Variants in METTL22 observed in about 807,000 individuals in gnomAD.
METTL22 encodes methyltransferase 22, Kin17 lysine.
A neutral mutation model predicts 48.4 loss-of-function variants in METTL22; 51 were observed. The ratio of observed to expected loss-of-function variants is 1.05; its 90% CI spans 0.84 to 1.33. The LOEUF (loss-of-function observed/expected upper bound fraction) is 1.33, where lower values mean the gene tolerates loss of function less well. METTL22 is among the 40% of genes most tolerant of loss of function. METTL22 has a pLI of 0.00. For missense variants in METTL22, 678 were observed against 526.9 expected, an observed-to-expected ratio of 1.29 and a Z score of -2.81; for synonymous variants, 255 against 214.1, an observed-to-expected ratio of 1.19 and a Z score of -1.67.
the METTL22 span, among the ~76,000 whole-genome samples, chr16:8,663,225 A>AAAAAAAAAAAGT: frequency 9.7e-5 from 12 of 123,436 alleles, no homozygotes; most frequent in African/African-American, 9.3e-5. Flanking sequence ...AAAAAAAAAA[A>AAAAAAAAAAAGT]GGTAGCCAAG....
downstream of METTL22, among the ~76,000 whole-genome samples, chr16:8,654,431 T>A (rs186444762): frequency 1.3e-3 from 191 of 152,376 alleles, no homozygotes; most frequent in African/African-American, 4.4e-3. Context: ...GGAATGGAAT[T>A]GATGAGACTT....
intron 7 of METTL22, chr16:8,641,891 G>A (rs965738246): frequency 3.2e-5 from 19 of 587,426 alleles, no homozygotes; most frequent in Non-Finnish European, 5.2e-5. Flanking sequence ...AAATCCGCCC[G>A]CTGCTCACTG....
chr16:8,627,098 C>G (rs1318631503), intron 2 of METTL22, among the ~76,000 whole-genome samples: 4 of 152,150 alleles, frequency 2.6e-5, no homozygotes, highest in South Asian at 2.1e-4. Context: ...CTGGCTGCCT[C>G]TGTCTTCTCC....
At chr16:8,661,552 G>A in the METTL22 span, among the ~76,000 whole-genome samples, 2,525 of 139,146 alleles carry the variant, frequency 0.018, 328 homozygotes, top group South Asian at 0.14. Context: ...AGGCTGAGGA[G>A]GAGAATGGCG....
chr16:8,661,152 A>G, the METTL22 span, among the ~76,000 whole-genome samples: 2 of 151,868 alleles, frequency 1.3e-5, no homozygotes, highest in African/African-American at 2.4e-5. Context: ...CCCCAGCCTC[A>G]TGAATCCAGG....
At chr16:8,656,053 C>A in the METTL22 span, among the ~76,000 whole-genome samples, 1 of 152,166 alleles carries the variant, frequency 6.6e-6, no homozygotes, top group African/African-American at 2.4e-5. Context: ...AGTTAGGATA[C>A]CAGTGGTATG....
intron 6 of METTL22, among the ~76,000 whole-genome samples, chr16:8,639,889 C>G (rs1006677162): frequency 1.3e-5 from 2 of 152,078 alleles, no homozygotes; most frequent in African/African-American, 2.4e-5. Flanking sequence ...GCAGCGCCCC[C>G]CACCACCAAC....
chr16:8,634,782 G>T (rs1219856921), intron 3 of METTL22, among the ~76,000 whole-genome samples: 1 of 152,132 alleles, frequency 6.6e-6, no homozygotes, highest in Non-Finnish European at 1.5e-5. Context: ...CCTAGCCTTG[G>T]GCTGTAGGGC....
chr16:8,643,319 C>T (rs2056682272), intron 9 of METTL22, among the ~76,000 whole-genome samples: 1 of 152,164 alleles, frequency 6.6e-6, no homozygotes, highest in South Asian at 2.1e-4. Flanking sequence ...AATGTACAGA[C>T]CTCATTTGGA....
At chr16:8,644,177 A>G (rs1641063) in intron 9 of METTL22, among the ~76,000 whole-genome samples, 150,317 of 152,202 alleles carry the variant, frequency 0.99, 74,260 homozygotes, top group Middle Eastern at 1. Flanking sequence ...ACTGCCTCTC[A>G]TTCATTCATT....
downstream of METTL22, among the ~76,000 whole-genome samples, chr16:8,652,676 T>C (rs2056916717): frequency 2.5e-4 from 1 of 3,984 alleles, no homozygotes; most frequent in African/African-American, 2.9e-4. Flanking sequence ...AAATAATTAT[T>C]TTAAAAAAAA....
downstream of METTL22, among the ~76,000 whole-genome samples, chr16:8,650,704 C>G (rs2056881697): frequency 6.6e-6 from 1 of 152,152 alleles, no homozygotes; most frequent in African/African-American, 2.4e-5. Flanking sequence ...TTCATATGCA[C>G]CCCATAATAT....
At chr16:8,660,263 G>A in the METTL22 span, among the ~76,000 whole-genome samples, 11 of 151,910 alleles carry the variant, frequency 7.2e-5, no homozygotes, top group Admixed American at 3.3e-4. Flanking sequence ...TGCAGCCTCC[G>A]CCCTCTGGAT....
rs1216706569 is a variant in METTL22, at chr16:8,623,320, A to G, written c.-171+1545A>G. Among the ~76,000 whole-genome samples, 4 of 151,992 alleles carry G rather than the reference A, an allele frequency of 2.6e-5. No homozygotes were observed. In the South Asian group the frequency reaches 8.3e-4, roughly 32 times the overall value. On this transcript the variant is annotated intron_variant, in intron 1 of 10. Transcript: ENST00000381920. ...AGTGAGACTCTGTCTCAGAAAAAAA[A>G]AAAAAAATGCGCTATGGCAAAAAAA...
At chr16:8,643,093 G>C (rs965407193) in intron 9 of METTL22, among the ~76,000 whole-genome samples, 2 of 152,138 alleles carry the variant, frequency 1.3e-5, no homozygotes, top group Non-Finnish European at 2.9e-5. Flanking sequence ...ACATTCTCCT[G>C]TAATACTTAA....
the METTL22 span, among the ~76,000 whole-genome samples, chr16:8,656,478 T>G: frequency 6.6e-6 from 1 of 152,210 alleles, no homozygotes; most frequent in East Asian, 1.9e-4. Context: ...GCACAGCCAC[T>G]AGGCAAAACC....
rs1469196482 is a variant in METTL22 at position 8,648,149 on chromosome 16, C to A, written c.*2006C>A. The A allele has an allele frequency of 2.0e-5, 3 of 152,210 alleles. No homozygotes were observed. The highest frequency in any genetic ancestry group is 4.4e-5 in the Non-Finnish European group (3 of 68,072). 9.4% of individuals were successfully genotyped at this position (152,210 alleles called of 1,614,324 possible). The stretch of plus-strand genomic sequence containing the variant: ...CCAGCCTGGACAACAAAGCAAGACC[C>A]CATCTCTATTAAAAATTAAACAGCC... On this transcript the variant is annotated 3_prime_UTR_variant, in exon 11 of 11. Transcript: ENST00000381920.
chr16:8,635,623 G>A (rs1349989573), intron 5 of METTL22, among the ~76,000 whole-genome samples: 1 of 152,146 alleles, frequency 6.6e-6, no homozygotes, highest in Non-Finnish European at 1.5e-5. Flanking sequence ...AAAAACAGGA[G>A]GAATATACCC....
At chr16:8,646,081 AC>A (rs780710472) in intron 10 of METTL22, 26 bp from the exon 11 acceptor site, 1 of 1,452,774 alleles carries the variant, frequency 6.9e-7, no homozygotes, top group East Asian at 2.5e-5. Context: ...CACTTCAGAA[AC>A]CTGTTCTTTT....
Sources: gnomAD v4.1 joint callset for allele counts (sites outside exome capture counted in the v4.1 genomes callset) on GRCh38, gnomAD v4.1.1 for gene constraint, MANE v1.5 for transcripts, NCBI Gene and HGNC (gene_info 2026-07-23, HGNC 2026-07-21) for gene names.